PTPRA: variants seen among roughly 807,000 people sequenced by gnomAD.
PTPRA encodes the protein protein tyrosine phosphatase receptor type A, also known as receptor-type tyrosine-protein phosphatase alpha.
Under a neutral mutation model 104.8 loss-of-function variants are expected in PTPRA, and 25 were observed. That is an observed-to-expected ratio of 0.24 (90% CI 0.17 to 0.33). The LOEUF (loss-of-function observed/expected upper bound fraction) is 0.33. Ranked by LOEUF, PTPRA falls within the 10% of genes least tolerant of loss-of-function variation. The pLI is 1.00. For missense variants in PTPRA, 765 were observed against 1,015.3 expected, an observed-to-expected ratio of 0.75 and a Z score of 3.35; for synonymous variants, 323 against 368.9, an observed-to-expected ratio of 0.88 and a Z score of 1.43.
At chr20:2,965,629 GAATGAGT>G (rs1201209538) in intron 5 of PTPRA, among the ~76,000 whole-genome samples, 1 of 152,168 alleles carries the variant, frequency 6.6e-6, no homozygotes, top group Non-Finnish European at 1.5e-5. Flanking sequence ...GAGATACAGA[GAATGAGT>G]AATAAGATTA....
intron 2 of PTPRA, among the ~76,000 whole-genome samples, chr20:2,928,925 G>A (rs2060407620): frequency 6.6e-6 from 1 of 151,044 alleles, no homozygotes; most frequent in African/African-American, 2.4e-5. Context: ...GAGCTCCCAG[G>A]TTCAAGCAAT....
At chr20:2,975,156 G>A in intron 5 of PTPRA, 59 bp from the exon 6 acceptor site, 1 of 1,419,002 alleles carries the variant, frequency 7.0e-7, no homozygotes. Context: ...TACTCTAATT[G>A]AATTGTAATG....
At chr20:2,938,060 CATAATCCCA>C (rs2060772870) in intron 2 of PTPRA, among the ~76,000 whole-genome samples, 1 of 152,120 alleles carries the variant, frequency 6.6e-6, no homozygotes, top group Non-Finnish European at 1.5e-5. Flanking sequence ...GGCTCATGCC[CATAATCCCA>C]ACACTTTGAG....
intron 6 of PTPRA, among the ~76,000 whole-genome samples, chr20:2,984,242 T>C (rs143862898): frequency 3.6e-4 from 55 of 152,190 alleles, no homozygotes; most frequent in African/African-American, 1.2e-3. Flanking sequence ...CTCACTCACA[T>C]CTCCCTCCAT....
At chr20:2,954,077 C>CT (rs35144002) in intron 3 of PTPRA, among the ~76,000 whole-genome samples, 4,960 of 102,564 alleles carry the variant, frequency 0.048, 458 homozygotes, top group African/African-American at 0.17. Flanking sequence ...ACCCGGCTAA[C>CT]TTTTTTTTTT....
chr20:3,031,392 T>G (rs917328464), intron 20 of PTPRA, among the ~76,000 whole-genome samples: 1 of 151,830 alleles, frequency 6.6e-6, no homozygotes, highest in African/African-American at 2.4e-5. Context: ...CTTCTACTGG[T>G]CTTGAATCCC....
chr20:2,985,391 T>G (rs868091361), intron 6 of PTPRA, among the ~76,000 whole-genome samples: 1 of 152,138 alleles, frequency 6.6e-6, no homozygotes, highest in Non-Finnish European at 1.5e-5. Context: ...AGACAAGTCT[T>G]TGAGTTGACA....
the PTPRA span, chr20:2,864,265 C>T: frequency 0.014 from 22,456 of 1,614,148 alleles, 999 homozygotes; most frequent in Admixed American, 0.14. The surrounding 1 kb of genome is among the most constrained non-coding windows in gnomAD (Gnocchi z 5.2). Flanking sequence ...GCAAGGCCAT[C>T]GAGAGCGGGG....
In PTPRA at chr20:3,000,011, C is replaced by T. The variant is rs373771129; in HGVS notation, c.739-5045C>T. ...TTGTTAAGAAAATAAGTAGGCTGGG[C>T]GCAGTGGTTCATGCCTGTAATCCCA... On this transcript the variant is annotated intron_variant, in intron 9 of 23. Transcript: ENST00000399903. Among the ~76,000 whole-genome samples, 16 of 152,140 alleles carry T rather than the reference C, an allele frequency of 1.1e-4. No homozygotes were observed. The East Asian group carries it at 1.9e-3, about 18-fold the overall frequency.
At chr20:2,983,974 G>C (rs573348770) in intron 6 of PTPRA, among the ~76,000 whole-genome samples, 45 of 151,990 alleles carry the variant, frequency 3.0e-4, no homozygotes, top group African/African-American at 6.5e-4. Context: ...TTAGAGATCT[G>C]GTGTTGGAAG....
At chr20:3,033,476 CAT>C (rs1465903760) in intron 20 of PTPRA, among the ~76,000 whole-genome samples, 4 of 152,164 alleles carry the variant, frequency 2.6e-5, no homozygotes, top group East Asian at 1.9e-4. Context: ...GGGCATGACT[CAT>C]ATGCGCAGCC....
chr20:3,007,798 G>A (rs545416120), intron 11 of PTPRA, among the ~76,000 whole-genome samples: 39 of 144,578 alleles, frequency 2.7e-4, no homozygotes, highest in African/African-American at 1.0e-3. Flanking sequence ...TTATATATGT[G>A]TGTGTATGTA....
intron 3 of PTPRA, among the ~76,000 whole-genome samples, chr20:2,961,804 C>G (rs932017556): frequency 1.3e-5 from 2 of 152,138 alleles, no homozygotes; most frequent in African/African-American, 4.8e-5. Flanking sequence ...ATAATAAGGT[C>G]TGATATGGAT....
chr20:2,886,332 G>C (rs963933921), intron 1 of PTPRA, among the ~76,000 whole-genome samples: 1 of 152,088 alleles, frequency 6.6e-6, no homozygotes, highest in African/African-American at 2.4e-5. Context: ...TTGATATCTG[G>C]AATTTGCTTT....
At chr20:2,964,191 C>G (rs909368997) in intron 3 of PTPRA, 81 bp from the exon 4 acceptor site, 4 of 1,183,130 alleles carry the variant, frequency 3.4e-6, no homozygotes, top group African/African-American at 3.1e-5. Flanking sequence ...GCTTGGAAAT[C>G]CAGAATACTC....
intron 2 of PTPRA, among the ~76,000 whole-genome samples, chr20:2,925,972 T>C (rs2060279501): frequency 6.6e-6 from 1 of 152,118 alleles, no homozygotes; most frequent in Admixed American, 6.5e-5. Flanking sequence ...CCATGCTGTT[T>C]TTCACAGTAC....
At chr20:2,907,030 A>G (rs773049008) in intron 1 of PTPRA, among the ~76,000 whole-genome samples, 2 of 152,134 alleles carry the variant, frequency 1.3e-5, no homozygotes, top group Non-Finnish European at 2.9e-5. Flanking sequence ...ATCCACTGCA[A>G]ATTTGTTTGG....
At chr20:3,023,628 T>C (rs944444903) in intron 16 of PTPRA, among the ~76,000 whole-genome samples, 2 of 152,172 alleles carry the variant, frequency 1.3e-5, no homozygotes, top group African/African-American at 4.8e-5. Context: ...CAGAGTCCTT[T>C]GCTCACATGT....
chr20:2,924,676 A>G (rs1432881193), intron 2 of PTPRA, among the ~76,000 whole-genome samples: 1 of 152,004 alleles, frequency 6.6e-6, no homozygotes, highest in Non-Finnish European at 1.5e-5. Flanking sequence ...TGCAGCACCG[A>G]AAAGGTGTTT....
Sources: gnomAD v4.1 joint callset for allele counts (sites outside exome capture counted in the v4.1 genomes callset) on GRCh38, gnomAD v4.1.1 for gene constraint, Gnocchi (gnomAD v3.1) non-coding constraint, MANE v1.5 for transcripts, NCBI Gene and HGNC (gene_info 2026-07-23, HGNC 2026-07-21) for gene names.